The following RABGEF1 variants were observed in gnomAD, a reference collection of about 807,000 sequenced individuals.
RABGEF1 encodes the protein RAB guanine nucleotide exchange factor 1.
A neutral mutation model predicts 57.3 loss-of-function variants in RABGEF1; 26 were observed. The observed-to-expected ratio is 0.45, with a 90% CI of 0.33 to 0.63. The LOEUF (loss-of-function observed/expected upper bound fraction) is 0.63. Ranked by LOEUF, RABGEF1 falls within the 20% of genes least tolerant of loss-of-function variation. RABGEF1 has a pLI of 0.02. For missense variants in RABGEF1, 464 were observed against 607.6 expected, an observed-to-expected ratio of 0.76 and a Z score of 2.48; for synonymous variants, 185 against 210.7, an observed-to-expected ratio of 0.88 and a Z score of 1.06.
At chr7:66,739,162 C>G (rs1323362551), upstream of RABGEF1, among the ~76,000 whole-genome samples, 3 of 151,766 alleles carry the variant, frequency 2.0e-5, no homozygotes, top group Non-Finnish European at 4.4e-5. Context: ...GTTGGTCAGG[C>G]TGGTCTTGAA....
intron 5 of RABGEF1, chr7:66,796,892 G>A (rs1786075117): frequency 2.2e-6 from 1 of 445,596 alleles, no homozygotes; most frequent in African/African-American, 2.0e-5. Flanking sequence ...GCACCCAGCT[G>A]GTAAGTTTTT....
At chr7:66,770,765 T>A (rs1020232855) in intron 1 of RABGEF1, among the ~76,000 whole-genome samples, 9 of 152,230 alleles carry the variant, frequency 5.9e-5, no homozygotes, top group Admixed American at 3.9e-4. Flanking sequence ...ATTACAGGCA[T>A]GAGCCATTAT....
chr7:66,734,999 C>T (rs567253792), intron 2 of RABGEF1, among the ~76,000 whole-genome samples: 163 of 152,192 alleles, frequency 1.1e-3, no homozygotes, highest in African/African-American at 2.2e-3. Context: ...GTTTCAGGAA[C>T]GTTAAGGAAG....
At chr7:66,788,733 C>T (rs1405847188) in intron 4 of RABGEF1, among the ~76,000 whole-genome samples, 1 of 152,142 alleles carries the variant, frequency 6.6e-6, no homozygotes, top group Non-Finnish European at 1.5e-5. Flanking sequence ...AATCCTAGCA[C>T]TTTGGGAAGC....
At chr7:66,792,482 A>T (rs906911189) in intron 4 of RABGEF1, among the ~76,000 whole-genome samples, 3 of 152,172 alleles carry the variant, frequency 2.0e-5, no homozygotes, top group Non-Finnish European at 4.4e-5. Context: ...TTCCTATAGG[A>T]TAATGCAGAG....
chr7:66,695,964 A>C (rs1339323794), intron 1 of RABGEF1, among the ~76,000 whole-genome samples: 1 of 56,498 alleles, frequency 1.8e-5, no homozygotes, highest in Admixed American at 2.0e-4. Flanking sequence ...AGACTGTCTC[A>C]AAAAAAAAAA....
At chr7:66,665,797 G>T in the RABGEF1 span, among the ~76,000 whole-genome samples, 1,288 of 152,300 alleles carry the variant, frequency 8.5e-3, 18 homozygotes, top group African/African-American at 0.03. Context: ...TCAGCCAGCA[G>T]CCCTTGGCTG....
At chr7:66,662,965 G>C in the RABGEF1 span, among the ~76,000 whole-genome samples, 6 of 152,240 alleles carry the variant, frequency 3.9e-5, no homozygotes, top group Admixed American at 1.3e-4. Flanking sequence ...TGTGTGTGCA[G>C]GTGTGTATGT....
At position 66,708,949 on chromosome 7, in the gene RABGEF1, C is replaced by CT. The variant is rs373732862; in HGVS notation, c.-872-3210dup. Among the ~76,000 whole-genome samples, 173 of 151,686 alleles carry CT rather than the reference C, an allele frequency of 1.1e-3. 1 individual carries two copies. The highest frequency in any genetic ancestry group is 3.9e-3 in the African/African-American group (160 of 41,336). On this transcript the variant is annotated intron_variant and NMD_transcript_variant, in intron 1 of 9. Transcript: ENST00000607882. Reference sequence around the variant, plus strand: ...AATATGCAATATGCCTTCTTTCAGTCTTTTTTTTCTTTCCTGTTATGCCTC... The same window carrying CT: ...AATATGCAATATGCCTTCTTTCAGTCTTTTTTTTTCTTTCCTGTTATGCCTC...
the RABGEF1 span, among the ~76,000 whole-genome samples, chr7:66,655,990 G>A: frequency 6.6e-6 from 1 of 152,234 alleles, no homozygotes; most frequent in African/African-American, 2.4e-5. Context: ...GTGCTGTCGG[G>A]CGTGGAGCCT....
chr7:66,796,574 G>A (rs1785970118), intron 5 of RABGEF1, among the ~76,000 whole-genome samples: 1 of 152,018 alleles, frequency 6.6e-6, no homozygotes, highest in Admixed American at 6.6e-5. Context: ...ACAGTTGGAA[G>A]AAGATTTTTT....
At chr7:66,797,563 T>G in intron 6 of RABGEF1, 57 bp downstream of exon 6, 1 of 1,557,522 alleles carries the variant, frequency 6.4e-7, no homozygotes, top group Non-Finnish European at 8.7e-7. Flanking sequence ...AAGAACACAC[T>G]GGGGGGAAAA....
intron 2 of RABGEF1, among the ~76,000 whole-genome samples, chr7:66,719,003 G>A (rs914826819): frequency 1.3e-5 from 2 of 152,228 alleles, no homozygotes; most frequent in South Asian, 2.1e-4. Context: ...AGCATAGAGA[G>A]AAAGACAGCA....
intron 1 of RABGEF1, among the ~76,000 whole-genome samples, chr7:66,752,751 C>CT (rs1461333548): frequency 2.0e-5 from 3 of 152,330 alleles, no homozygotes; most frequent in East Asian, 3.9e-4. Flanking sequence ...ACCCAGTACT[C>CT]TGTGTTTTAA....
chr7:66,798,842 G>C (rs1786638395), intron 6 of RABGEF1, among the ~76,000 whole-genome samples: 1 of 152,188 alleles, frequency 6.6e-6, no homozygotes, highest in East Asian at 1.9e-4. Flanking sequence ...GGCGCCTGTA[G>C]TCCCGGCTGC....
chr7:66,797,545 T>A (rs752502197), intron 6 of RABGEF1, 39 bp downstream of exon 6: 3 of 1,590,106 alleles, frequency 1.9e-6, no homozygotes. Flanking sequence ...GTTACTACCT[T>A]CTAATGGAAG....
intron 2 of RABGEF1, among the ~76,000 whole-genome samples, chr7:66,731,824 A>G (rs1476708989): frequency 1.3e-5 from 2 of 152,156 alleles, no homozygotes; most frequent in Non-Finnish European, 2.9e-5. Context: ...TTTATGTCAT[A>G]GTGGAGAAAC....
At chr7:66,800,427 C>T (rs568729702) in intron 7 of RABGEF1, among the ~76,000 whole-genome samples, 1 of 152,286 alleles carries the variant, frequency 6.6e-6, no homozygotes, top group African/African-American at 2.4e-5. Flanking sequence ...TTTATCTTCC[C>T]GTGTCAACTC....
chr7:66,783,197 C>T (rs757049564), intron 3 of RABGEF1, among the ~76,000 whole-genome samples: 23 of 152,202 alleles, frequency 1.5e-4, no homozygotes, highest in Non-Finnish European at 2.5e-4. Context: ...TGAGTCTCCA[C>T]ATAAACACAT....
Sources: allele counts gnomAD v4.1 joint callset (sites outside exome capture counted in the v4.1 genomes callset), GRCh38; gene constraint gnomAD v4.1.1; transcripts MANE v1.5; gene names NCBI Gene and HGNC (gene_info 2026-07-23, HGNC 2026-07-21).